The following PCDHA9 variants were observed in gnomAD, a reference collection of about 807,000 sequenced individuals.
The protein encoded by PCDHA9 is protocadherin alpha-9.
In PCDHA9, 62 loss-of-function variants were observed where a neutral mutation model predicts 62.0. The observed-to-expected ratio is 1.00, with a 90% CI of 0.81 to 1.23. The LOEUF is 1.23. PCDHA9 is among the 50% of genes most tolerant of loss of function. The pLI, the probability that PCDHA9 is intolerant of heterozygous loss-of-function variation, is 0.00. For synonymous variants in PCDHA9, 557 were observed against 567.6 expected (o/e 0.98, Z 0.27); for missense variants, 1,205 against 1,249.8 (o/e 0.96, Z 0.54).
At chr5:140,875,039 A>G (rs1443862423) in intron 1 of PCDHA9, among the ~76,000 whole-genome samples, 1 of 152,230 alleles carries the variant, frequency 6.6e-6, no homozygotes, top group East Asian at 1.9e-4. Context: ...TATTTGAAAG[A>G]TTTCTACTTT....
At chr5:140,940,600 G>A (rs576348550) in intron 1 of PCDHA9, among the ~76,000 whole-genome samples, 36 of 152,074 alleles carry the variant, frequency 2.4e-4, no homozygotes, top group African/African-American at 8.4e-4. Flanking sequence ...GGCATGAGCC[G>A]CTGCTCCTGG....
intron 1 of PCDHA9, among the ~76,000 whole-genome samples, chr5:140,885,980 C>T (rs888571995): frequency 6.6e-6 from 1 of 151,942 alleles, no homozygotes; most frequent in African/African-American, 2.4e-5. Flanking sequence ...ATTATAGATT[C>T]GCATGTGGTT....
intron 1 of PCDHA9, among the ~76,000 whole-genome samples, chr5:140,954,531 G>A (rs564993313): frequency 4.6e-5 from 7 of 152,218 alleles, no homozygotes; most frequent in African/African-American, 1.4e-4. Context: ...GTGATGTTGA[G>A]GTTTTTTTCA....
chr5:140,968,357 C>A (rs1554230636), intron 1 of PCDHA9: 2 of 1,614,080 alleles, frequency 1.2e-6, no homozygotes, highest in Non-Finnish European at 1.7e-6. Flanking sequence ...CAGTGGCAGC[C>A]TTTATGCTGT....
At chr5:140,926,703 C>A in intron 1 of PCDHA9, 2 of 835,416 alleles carry the variant, frequency 2.4e-6, no homozygotes, top group Non-Finnish European at 3.4e-6. Context: ...CGGCTCCCAG[C>A]TGGCCAGCCC....
In PCDHA9 at chr5:140,855,887, C is replaced by T. The variant is rs2043661726; in HGVS notation, c.2394+4998C>T. 3.0e-6 allele frequency: 3 copies of T among 985,500 alleles called. No individual in the cohort carries two copies. The African/African-American group carries it at 4.9e-5, about 16-fold the overall frequency. The allele number at this position is 985,500 out of a possible 1,614,324, so 61.0% of individuals were successfully genotyped here. A position where few individuals can be genotyped will look rare whatever the true frequency, so the allele number is the denominator to read the frequency against. ...TCGTCCACAAAATAGCTTTTTAGAA[C>T]AAAGGCATCAGCCAGTTTCTCAAGG... On this transcript the variant is annotated intron_variant, in intron 1 of 3. Transcript: ENST00000532602.
chr5:140,896,980 C>A (rs2065827913), intron 1 of PCDHA9, among the ~76,000 whole-genome samples: 1 of 152,032 alleles, frequency 6.6e-6, no homozygotes, highest in South Asian at 2.1e-4. Context: ...ACAAACAAAC[C>A]AGTTATGCTC....
At chr5:140,979,175 A>C in intron 2 of PCDHA9, 168 bp downstream of exon 2, 8 of 951,628 alleles carry the variant, frequency 8.4e-6, no homozygotes, top group Non-Finnish European at 1.0e-5. Flanking sequence ...AAAGATCGCA[A>C]ATGGTCAGTG....
chr5:140,995,685 T>C (rs951521178), intron 3 of PCDHA9, among the ~76,000 whole-genome samples: 8 of 152,186 alleles, frequency 5.3e-5, no homozygotes, highest in African/African-American at 1.9e-4. Flanking sequence ...TTTTTTTTAA[T>C]TGTTAAATAA....
chr5:140,870,028 T>G, intron 1 of PCDHA9: 1 of 1,613,550 alleles, frequency 6.2e-7, no homozygotes, highest in Non-Finnish European at 8.5e-7. Context: ...AACTTTAGAT[T>G]ATGAAGAAAA....
At chr5:140,887,679 C>G (rs2061539498) in intron 1 of PCDHA9, among the ~76,000 whole-genome samples, 1 of 152,058 alleles carries the variant, frequency 6.6e-6, no homozygotes, top group East Asian at 1.9e-4. Flanking sequence ...TCATTTTCAT[C>G]AAATTCAGGA....
At chr5:140,882,633 A>G in intron 1 of PCDHA9, 1 of 1,614,220 alleles carries the variant, frequency 6.2e-7, no homozygotes, top group Non-Finnish European at 8.5e-7. Context: ...GTGGAGGTGA[A>G]GGTGAGGGAC....
chr5:140,992,377 A>T (rs1258714441), intron 3 of PCDHA9, among the ~76,000 whole-genome samples: 1 of 152,150 alleles, frequency 6.6e-6, no homozygotes, highest in African/African-American at 2.4e-5. Flanking sequence ...CCATTACATT[A>T]TTGTGTTCTG....
chr5:140,861,023 C>T (rs1192782331), intron 1 of PCDHA9: 1 of 152,246 alleles, frequency 6.6e-6, no homozygotes, highest in Non-Finnish European at 1.5e-5. Context: ...GCCACCGCAC[C>T]CGGCCGAAAG....
At chr5:140,987,941 G>A (rs1554249697) in intron 3 of PCDHA9, among the ~76,000 whole-genome samples, 1 of 152,104 alleles carries the variant, frequency 6.6e-6, no homozygotes, top group African/African-American at 2.4e-5. Flanking sequence ...ATTCTTACCT[G>A]TCTGACAAAA....
intron 1 of PCDHA9, chr5:140,877,117 G>T (rs781979355): frequency 6.8e-6 from 11 of 1,613,720 alleles, no homozygotes; most frequent in Admixed American, 3.3e-5. Flanking sequence ...GGGCAGCAAC[G>T]TGACGCTGCA....
chr5:140,982,649 G>T, intron 3 of PCDHA9, 86 bp downstream of exon 3: 2 of 1,504,320 alleles, frequency 1.3e-6, no homozygotes, highest in South Asian at 1.3e-5. Context: ...AATGTTGATG[G>T]CTCTTTTTCT....
chr5:141,001,461 C>G (rs2098019350), intron 3 of PCDHA9, among the ~76,000 whole-genome samples: 1 of 152,214 alleles, frequency 6.6e-6, no homozygotes, highest in South Asian at 2.1e-4. Context: ...AATTGAAGGA[C>G]TAAGCAGCAG....
intron 1 of PCDHA9, among the ~76,000 whole-genome samples, chr5:140,957,916 T>C (rs1554223208): frequency 6.6e-6 from 1 of 152,114 alleles, no homozygotes; most frequent in African/African-American, 2.4e-5. Context: ...TTGTTATCTA[T>C]GTATCAAGCT....
Sources: gnomAD v4.1 joint callset for allele counts (sites outside exome capture counted in the v4.1 genomes callset) on GRCh38, gnomAD v4.1.1 for gene constraint, MANE v1.5 for transcripts, NCBI Gene and HGNC (gene_info 2026-07-23, HGNC 2026-07-21) for gene names.